The following YWHAE variants were observed in gnomAD, a reference collection of about 807,000 sequenced individuals.
YWHAE encodes the protein 14-3-3 protein epsilon.
A neutral mutation model predicts 30.1 loss-of-function variants in YWHAE; 4 were observed. The ratio of observed to expected loss-of-function variants is 0.13; its 90% CI spans 0.07 to 0.30. The LOEUF (loss-of-function observed/expected upper bound fraction) is 0.30. Among genes scored for constraint, YWHAE ranks in the 10% least tolerant of loss-of-function variants. YWHAE has a pLI of 1.00. For synonymous variants in YWHAE, 118 were observed against 111.8 expected, an observed-to-expected ratio of 1.06 and a Z score of -0.35; for missense variants, 121 against 315.9, an observed-to-expected ratio of 0.38 and a Z score of 4.68.
intron 1 of YWHAE, among the ~76,000 whole-genome samples, chr17:1,388,122 T>TTG (rs1567983331): frequency 1.6e-5 from 1 of 61,438 alleles, no homozygotes. Flanking sequence ...TGGTTGGTTT[T>TTG]TTTTTTTTTT....
At chr17:1,396,872 T>C (rs1055813192) in intron 1 of YWHAE, among the ~76,000 whole-genome samples, 52 of 152,050 alleles carry the variant, frequency 3.4e-4, no homozygotes, top group African/African-American at 1.2e-3. Flanking sequence ...TCCACCCGCC[T>C]TGGCCTCCCA....
chr17:1,374,923 G>C (rs1598256023), intron 1 of YWHAE, among the ~76,000 whole-genome samples: 1 of 152,094 alleles, frequency 6.6e-6, no homozygotes, highest in South Asian at 2.1e-4. Flanking sequence ...ATTGCTTCAA[G>C]AGACAGGGTC....
intron 1 of YWHAE, among the ~76,000 whole-genome samples, chr17:1,373,158 G>C (rs1450577578): frequency 6.6e-6 from 1 of 151,932 alleles, no homozygotes; most frequent in Non-Finnish European, 1.5e-5. Flanking sequence ...CAGGAGAATC[G>C]CTTGAACTCA....
intron 1 of YWHAE, among the ~76,000 whole-genome samples, chr17:1,366,470 AGAGATTGCAACT>A (rs1179707010): frequency 1.3e-5 from 2 of 152,102 alleles, no homozygotes; most frequent in Non-Finnish European, 2.9e-5. Flanking sequence ...CCCAGGAGGC[AGAGATTGCAACT>A]GAGATCGCCC....
chr17:1,359,597 G>A (rs2072819212), intron 4 of YWHAE, among the ~76,000 whole-genome samples: 1 of 151,546 alleles, frequency 6.6e-6, no homozygotes, highest in Non-Finnish European at 1.5e-5. Flanking sequence ...AGCCACAAAA[G>A]GACAAATATT....
chr17:1,389,923 A>C (rs1436988608), intron 1 of YWHAE, among the ~76,000 whole-genome samples: 1 of 148,812 alleles, frequency 6.7e-6, no homozygotes, highest in African/African-American at 2.6e-5. Context: ...GGCTCACTGC[A>C]ACCTCCGCCT....
chr17:1,387,478 T>C (rs2073316397), intron 1 of YWHAE, among the ~76,000 whole-genome samples: 1 of 152,244 alleles, frequency 6.6e-6, no homozygotes, highest in Non-Finnish European at 1.5e-5. Flanking sequence ...TTTAAAATTC[T>C]GTTTTGGAAT....
intron 1 of YWHAE, among the ~76,000 whole-genome samples, chr17:1,394,486 G>C (rs2073437529): frequency 7.0e-6 from 1 of 143,450 alleles, no homozygotes; most frequent in Admixed American, 7.0e-5. Context: ...CGGTGCAACA[G>C]TCCCAGCTAC....
At chr17:1,345,525 T>C (rs2072501825) in intron 5 of YWHAE, 26 bp from the exon 6 acceptor site, 1 of 1,610,424 alleles carries the variant, frequency 6.2e-7, no homozygotes, top group African/African-American at 1.3e-5. Flanking sequence ...AAAAGTCAAT[T>C]ATTTCGTATT....
intron 1 of YWHAE, among the ~76,000 whole-genome samples, chr17:1,387,434 A>G (rs2073315706): frequency 6.6e-6 from 1 of 152,238 alleles, no homozygotes. Context: ...TACAGTTTTT[A>G]TGGAATTAGA....
intron 1 of YWHAE, among the ~76,000 whole-genome samples, chr17:1,378,030 C>T (rs1169992232): frequency 1.3e-5 from 2 of 152,212 alleles, no homozygotes; most frequent in Non-Finnish European, 2.9e-5. Flanking sequence ...GCCTGGGCAA[C>T]AGAGGTGAGA....
chr17:1,374,639 G>T (rs916261035), intron 1 of YWHAE, among the ~76,000 whole-genome samples: 3 of 152,164 alleles, frequency 2.0e-5, no homozygotes, highest in Admixed American at 6.5e-5. Context: ...GTGTGAAGCT[G>T]TATCTCTTTG....
In YWHAE at chr17:1,400,071, C is replaced by T; in HGVS notation, c.40G>A (p.Ala14Thr). 8.7e-6 allele frequency: 14 copies of T among 1,614,088 alleles called. No homozygotes were observed. Among genetic ancestry groups the T allele is most frequent in the Non-Finnish European group, 1.2e-5 (14 of 1,179,998 alleles). The change falls in exon 1 of 6, where the codon GCC becomes ACC. Residue 14 changes from alanine (A) to threonine (T), a missense_variant. Around this residue, in one of 2 missense-constraint regions of YWHAE, gnomAD observed 99 missense variants for 289.3 expected, o/e 0.34. Transcript: ENST00000264335. ...CCGTCGTATCGCTCAGCCTGCTCGG[C>T]CAGCTTCGCCTGGTACACCAGATCC... is the stretch of plus-strand genomic sequence containing the variant. ...REDLVYQAKL[A>T]EQAERYDEMV...
chr17:1,392,723 G>C (rs2073407208), intron 1 of YWHAE, among the ~76,000 whole-genome samples: 1 of 151,882 alleles, frequency 6.6e-6, no homozygotes. Flanking sequence ...GATGGCCCAA[G>C]TCTGTAGTCT....
intron 1 of YWHAE, among the ~76,000 whole-genome samples, chr17:1,390,601 A>T (rs956432228): frequency 6.6e-6 from 1 of 152,208 alleles, no homozygotes; most frequent in East Asian, 1.9e-4. Flanking sequence ...GACATCACTA[A>T]TCCCCATTTG....
Position 1,344,533 on chromosome 17 carries a change from G to T in YWHAE, c.*914C>A. On this transcript the variant is annotated 3_prime_UTR_variant, in exon 6 of 6. Transcript: ENST00000264335. Reference sequence around the variant, plus strand: ...TTTTAGAAGTATAAAGGATGGAGGCGCGATATTTGGCATTTTTAATTTAGG... The same window carrying T: ...TTTTAGAAGTATAAAGGATGGAGGCTCGATATTTGGCATTTTTAATTTAGG... The T allele has an allele frequency of 4.9e-6, 1 of 205,726 alleles. No individual in the cohort carries two copies. Among genetic ancestry groups the T allele is most frequent in the Non-Finnish European group, 1.0e-5 (1 of 100,300 alleles). 12.7% of individuals were successfully genotyped at this position (205,726 alleles called of 1,614,324 possible). A position where few individuals can be genotyped will look rare whatever the true frequency, so the allele number is the denominator to read the frequency against.
chr17:1,359,421 C>T (rs1598236236), intron 4 of YWHAE, among the ~76,000 whole-genome samples: 2 of 152,298 alleles, frequency 1.3e-5, no homozygotes, highest in South Asian at 4.1e-4. Flanking sequence ...GCATTGTACT[C>T]ACCATAGGGA....
chr17:1,393,240 G>A (rs1303323639), intron 1 of YWHAE, among the ~76,000 whole-genome samples: 4 of 151,380 alleles, frequency 2.6e-5, no homozygotes. Flanking sequence ...GGGATCACCT[G>A]AGACTGGAAG....
intron 4 of YWHAE, among the ~76,000 whole-genome samples, chr17:1,356,992 G>T (rs1236784175): frequency 6.6e-6 from 1 of 151,970 alleles, no homozygotes; most frequent in African/African-American, 2.4e-5. Context: ...AAAAGGGGCC[G>T]GGCGCGGTGG....
Sources: allele counts gnomAD v4.1 joint callset (sites outside exome capture counted in the v4.1 genomes callset), GRCh38; gene constraint gnomAD v4.1.1; regional missense constraint gnomAD v4.1.1; transcripts MANE v1.5; gene names NCBI Gene and HGNC (gene_info 2026-07-23, HGNC 2026-07-21).